Variants in EYS observed in about 807,000 individuals in gnomAD.
EYS encodes the protein protein eyes shut homolog.
In EYS, 250 loss-of-function variants were observed where a neutral mutation model predicts 282.1. That is an observed-to-expected ratio of 0.89 (90% CI 0.80 to 0.98). EYS has a LOEUF of 0.98. Among genes scored for constraint, EYS ranks in the 50% least tolerant of loss-of-function variants. The pLI, the probability that EYS is intolerant of heterozygous loss-of-function variation, is 0.00. For missense variants in EYS, 4,016 were observed against 3,709.0 expected (o/e 1.08, Z -2.15); for synonymous variants, 1,355 against 1,282.9 (o/e 1.06, Z -1.20).
intron 2 of EYS, among the ~76,000 whole-genome samples, chr6:65,533,376 C>T (rs1009663359): frequency 1.2e-4 from 19 of 152,108 alleles, no homozygotes; most frequent in African/African-American, 3.9e-4. Context: ...CAGGCCCAGA[C>T]GGATTCACAG....
At chr6:64,445,045 G>A (rs1056576401) in intron 26 of EYS, among the ~76,000 whole-genome samples, 1 of 152,162 alleles carries the variant, frequency 6.6e-6, no homozygotes, top group Admixed American at 6.5e-5. Context: ...TCTCTTGATA[G>A]CAATACAAAA....
At chr6:64,294,924 G>A (rs547057193) in intron 30 of EYS, among the ~76,000 whole-genome samples, 4 of 152,184 alleles carry the variant, frequency 2.6e-5, no homozygotes, top group Non-Finnish European at 4.4e-5. Context: ...GTATGCTGGA[G>A]TAAGATGATT....
At chr6:63,893,338 A>G (rs1773455317) in intron 35 of EYS, among the ~76,000 whole-genome samples, 1 of 152,196 alleles carries the variant, frequency 6.6e-6, no homozygotes, top group African/African-American at 2.4e-5. Context: ...AATGCCCACA[A>G]ATGTTAGATT....
intron 12 of EYS, among the ~76,000 whole-genome samples, chr6:65,172,836 G>A (rs940279381): frequency 6.6e-5 from 10 of 151,152 alleles, no homozygotes; most frequent in African/African-American, 2.4e-4. Flanking sequence ...TAAGAGAATA[G>A]TATCTTGAGC....
chr6:64,093,234 T>TCAAACCTAA (rs1458480504), intron 31 of EYS, among the ~76,000 whole-genome samples: 46 of 152,164 alleles, frequency 3.0e-4, no homozygotes, highest in African/African-American at 1.1e-3. Context: ...CTTGACAATG[T>TCAAACCTAA]GGGCTCTTTT....
intron 1 of EYS, among the ~76,000 whole-genome samples, chr6:65,686,508 G>C (rs1444142326): frequency 6.6e-6 from 1 of 152,064 alleles, no homozygotes; most frequent in Non-Finnish European, 1.5e-5. Flanking sequence ...TTCTGTGCTT[G>C]TGCTAGCACA....
intron 2 of EYS, among the ~76,000 whole-genome samples, chr6:65,558,304 TG>T (rs1768897952): frequency 6.6e-6 from 1 of 152,178 alleles, no homozygotes; most frequent in Admixed American, 6.5e-5. Context: ...AGGGGTGGTA[TG>T]TCAGTGCAGC....
At chr6:65,255,074 C>G (rs1038090819) in intron 12 of EYS, among the ~76,000 whole-genome samples, 10 of 151,608 alleles carry the variant, frequency 6.6e-5, no homozygotes, top group Admixed American at 5.3e-4. Context: ...TAGCCAAAGC[C>G]ATCCTGAGCA....
intron 5 of EYS, among the ~76,000 whole-genome samples, chr6:65,438,207 T>C (rs111598802): frequency 0.045 from 6,885 of 152,106 alleles, 434 homozygotes; most frequent in African/African-American, 0.14. Flanking sequence ...TATGGCTGCA[T>C]AGTATTCCAT....
intron 2 of EYS, among the ~76,000 whole-genome samples, chr6:65,535,764 T>A (rs1002025370): frequency 1.3e-5 from 2 of 152,086 alleles, no homozygotes; most frequent in African/African-American, 4.8e-5. Flanking sequence ...CCACCCACAT[T>A]AGGAAAGGCC....
intron 35 of EYS, among the ~76,000 whole-genome samples, chr6:63,894,369 C>T (rs57423187): frequency 0.017 from 2,517 of 152,098 alleles, 63 homozygotes; most frequent in African/African-American, 0.056. Flanking sequence ...CATACAGAGA[C>T]GTCCATGTGA....
chr6:64,191,468 G>A (rs1173045590), intron 31 of EYS, among the ~76,000 whole-genome samples: 1 of 138,910 alleles, frequency 7.2e-6, no homozygotes, highest in East Asian at 2.5e-4. Flanking sequence ...ATCGTCCAGT[G>A]CTATCCCTTC....
At chr6:64,198,593 T>C (rs980508158) in intron 31 of EYS, among the ~76,000 whole-genome samples, 2 of 152,124 alleles carry the variant, frequency 1.3e-5, no homozygotes, top group Non-Finnish European at 2.9e-5. Flanking sequence ...TTTCTGTTCC[T>C]GTGTTAGTTT....
At chr6:64,258,023 T>C (rs542952614) in intron 30 of EYS, among the ~76,000 whole-genome samples, 1 of 152,124 alleles carries the variant, frequency 6.6e-6, no homozygotes, top group African/African-American at 2.4e-5. Context: ...TTAATATGGC[T>C]CTTGCACCAC....
intron 22 of EYS, among the ~76,000 whole-genome samples, chr6:64,701,972 A>G (rs1167169269): frequency 6.6e-6 from 1 of 152,022 alleles, no homozygotes; most frequent in Admixed American, 6.6e-5. Flanking sequence ...AGTGCATATT[A>G]TGTGTTAACT....
intron 1 of EYS, among the ~76,000 whole-genome samples, chr6:65,706,368 G>C (rs1253199898): frequency 4.0e-5 from 6 of 151,768 alleles, no homozygotes; most frequent in Non-Finnish European, 7.4e-5. Flanking sequence ...AAATAATAAA[G>C]ATTTTTAAGC....
chr6:65,367,395 T>C (rs773076233), intron 8 of EYS, among the ~76,000 whole-genome samples: 1 of 151,766 alleles, frequency 6.6e-6, no homozygotes, highest in Non-Finnish European at 1.5e-5. Context: ...GCAGGCGAAT[T>C]TTTAAATAAT....
chr6:64,611,100 T>G (rs1196150430), intron 24 of EYS, among the ~76,000 whole-genome samples: 1 of 152,226 alleles, frequency 6.6e-6, no homozygotes, highest in Non-Finnish European at 1.5e-5. Flanking sequence ...AGCTAGGATC[T>G]TGGCTCTCTG....
At chr6:65,228,483 C>A (rs753866985) in intron 12 of EYS, among the ~76,000 whole-genome samples, 1 of 151,968 alleles carries the variant, frequency 6.6e-6, no homozygotes, top group Non-Finnish European at 1.5e-5. Context: ...ATATTGTGGT[C>A]ATGGATCATT....
Sources: gnomAD v4.1 joint callset for allele counts (sites outside exome capture counted in the v4.1 genomes callset) on GRCh38, gnomAD v4.1.1 for gene constraint, MANE v1.5 for transcripts, NCBI Gene and HGNC (gene_info 2026-07-23, HGNC 2026-07-21) for gene names.